The following CSMD3 variants were observed in gnomAD, a reference collection of about 807,000 sequenced individuals.
The protein encoded by CSMD3 is CUB and Sushi multiple domains 3, also known as CUB and sushi domain-containing protein 3.
A neutral mutation model predicts 435.2 loss-of-function variants in CSMD3; 177 were observed. The observed-to-expected ratio is 0.41, with a 90% CI of 0.36 to 0.46. CSMD3 has a LOEUF of 0.46. CSMD3 is among the 20% of genes least tolerant of loss of function. CSMD3 has a pLI of 0.34. For synonymous variants in CSMD3, 1,656 were observed against 1,520.5 expected, an observed-to-expected ratio of 1.09 and a Z score of -2.07; for missense variants, 4,265 against 4,504.6, an observed-to-expected ratio of 0.95 and a Z score of 1.52.
intron 12 of CSMD3, among the ~76,000 whole-genome samples, chr8:112,807,550 T>C (rs1210229208): frequency 1.3e-5 from 2 of 151,298 alleles, no homozygotes; most frequent in Admixed American, 6.6e-5. Context: ...GAAATACATG[T>C]TTGGTGTCCA....
chr8:112,767,057 G>A (rs2077997775), intron 13 of CSMD3, among the ~76,000 whole-genome samples: 1 of 151,828 alleles, frequency 6.6e-6, no homozygotes, highest in African/African-American at 2.4e-5. Flanking sequence ...AGTAATCACT[G>A]ATAATTGTTT....
rs563354765 is a variant in CSMD3 at position 113,214,117 on chromosome 8, CAGTAG to C, written c.515-40206_515-40202del. 6.7e-3 allele frequency among the ~76,000 whole-genome samples: 1,026 copies of C among 152,132 alleles called. 6 individuals carry two copies. Among genetic ancestry groups the C allele is most frequent in the Non-Finnish European group, 1.0e-2 (678 of 67,954 alleles). On this transcript the variant is annotated intron_variant, in intron 3 of 70. Coordinates refer to ENST00000297405, the MANE Select transcript of CSMD3 (RefSeq NM_198123.2). ...GAAAAGCCTGGAGAGGCTACTACTT[CAGTAG>C]AAACCAGAAAAAAGTGAGGCTTCCA...
intron 45 of CSMD3, among the ~76,000 whole-genome samples, chr8:112,321,333 C>T (rs1478079064): frequency 5.3e-5 from 8 of 152,064 alleles, no homozygotes; most frequent in African/African-American, 1.9e-4. Flanking sequence ...AAAGCCCATT[C>T]AACACTGCTT....
intron 16 of CSMD3, among the ~76,000 whole-genome samples, chr8:112,678,457 CACAG>C: frequency 6.6e-6 from 1 of 152,260 alleles, no homozygotes; most frequent in South Asian, 2.1e-4. Flanking sequence ...ACCAAATAAT[CACAG>C]ACACTCTCCT....
chr8:113,220,741 A>T (rs191104655), intron 3 of CSMD3, among the ~76,000 whole-genome samples: 3 of 151,310 alleles, frequency 2.0e-5, no homozygotes, highest in African/African-American at 7.3e-5. Context: ...AATGTTTTTT[A>T]GCAGACAGTT....
rs2130631722 is a variant in CSMD3, at chr8:112,921,707, A to T, written c.1553T>A (p.Leu518Gln). The T allele has an allele frequency of 6.2e-7, 1 of 1,611,060 alleles. No homozygotes were observed. The highest frequency in any genetic ancestry group is 8.5e-7 in the Non-Finnish European group (1 of 1,177,430). The change falls in exon 10 of 71, where the codon CTA (leucine) becomes CAA (glutamine). Residue 518 changes from leucine to glutamine, a missense_variant. By Grantham distance (113) the Leu-to-Gln change is moderately radical. Around this residue, in one of 3 missense-constraint regions of CSMD3, gnomAD observed 731 missense variants for 755.4 expected, o/e 0.97. Coordinates refer to ENST00000297405, the MANE Select transcript of CSMD3 (RefSeq NM_198123.2). The part of the protein sequence containing the change: ...VQFSCDEDYV[L>Q]QGAKSITCQR... Reference sequence around the variant, plus strand: ...ACAGGTGATGCTCTTTGCGCCCTGTAGGACATAATCTTCATCACAAGAGAA... The same window carrying T: ...ACAGGTGATGCTCTTTGCGCCCTGTTGGACATAATCTTCATCACAAGAGAA...
chr8:112,599,949 G>A (rs1319313620), intron 22 of CSMD3, among the ~76,000 whole-genome samples: 1 of 149,642 alleles, frequency 6.7e-6, no homozygotes, highest in Non-Finnish European at 1.5e-5. Context: ...CAGCGCACCA[G>A]CATGGCACAT....
intron 3 of CSMD3, among the ~76,000 whole-genome samples, chr8:113,209,686 C>T (rs2092809994): frequency 6.6e-6 from 1 of 151,962 alleles, no homozygotes; most frequent in African/African-American, 2.4e-5. Flanking sequence ...ATTGATGAAG[C>T]AGAAAACACA....
At chr8:112,939,776 A>C (rs747914274) in intron 9 of CSMD3, among the ~76,000 whole-genome samples, 1 of 151,998 alleles carries the variant, frequency 6.6e-6, no homozygotes, top group African/African-American at 2.4e-5. Flanking sequence ...GTAACTGTGA[A>C]AAATTTTTAT....
At chr8:112,511,622 C>T (rs1012146715) in intron 28 of CSMD3, among the ~76,000 whole-genome samples, 1 of 152,084 alleles carries the variant, frequency 6.6e-6, no homozygotes, top group African/African-American at 2.4e-5. Context: ...GATTTCCTGA[C>T]CTTGTGATCC....
intron 9 of CSMD3, among the ~76,000 whole-genome samples, chr8:112,935,330 ATAGT>A (rs2083248158): frequency 6.6e-6 from 1 of 152,120 alleles, no homozygotes; most frequent in African/African-American, 2.4e-5. Flanking sequence ...AGACTGTATG[ATAGT>A]TCCAGATTTG....
intron 4 of CSMD3, among the ~76,000 whole-genome samples, chr8:113,140,551 A>G (rs548493381): frequency 6.6e-6 from 1 of 151,212 alleles, no homozygotes; most frequent in African/African-American, 2.4e-5. Context: ...TTAACATTAT[A>G]TAGAATTTAT....
At chr8:112,753,924 A>G (rs2077631665) in intron 13 of CSMD3, among the ~76,000 whole-genome samples, 1 of 152,130 alleles carries the variant, frequency 6.6e-6, no homozygotes, top group South Asian at 2.1e-4. Context: ...AAAAGAAGTT[A>G]ATACAAATTG....
At chr8:113,330,539 T>C (rs575511027) in intron 1 of CSMD3, among the ~76,000 whole-genome samples, 3 of 152,008 alleles carry the variant, frequency 2.0e-5, no homozygotes, top group African/African-American at 7.2e-5. Flanking sequence ...AAATTATTAT[T>C]CAAGAGACAT....
At chr8:113,182,763 G>A (rs1465202860) in intron 3 of CSMD3, among the ~76,000 whole-genome samples, 1 of 152,046 alleles carries the variant, frequency 6.6e-6, no homozygotes, top group Non-Finnish European at 1.5e-5. Flanking sequence ...AAGCTGGGTT[G>A]CTGCAAATAT....
chr8:112,357,152 C>G (rs371671014), intron 38 of CSMD3, among the ~76,000 whole-genome samples: 1 of 152,048 alleles, frequency 6.6e-6, no homozygotes, highest in Non-Finnish European at 1.5e-5. Context: ...AGGGTAAGTT[C>G]CAGTCTGAGG....
chr8:112,370,253 T>A (rs1828263042), intron 38 of CSMD3, among the ~76,000 whole-genome samples: 1 of 152,162 alleles, frequency 6.6e-6, no homozygotes, highest in African/African-American at 2.4e-5. Flanking sequence ...CAGCAAAACA[T>A]CATCTTGTGT....
rs1443134686 is a variant in CSMD3, at chr8:112,292,632, G to T, written c.8693C>A (p.Thr2898Lys). The T allele has an allele frequency of 1.9e-6, 3 of 1,613,734 alleles. No individual in the cohort carries two copies. Among genetic ancestry groups the T allele is most frequent in the East Asian group, 4.5e-5 (2 of 44,854 alleles). Residue 2898 changes from threonine to lysine, a missense_variant, in exon 55 of 71, where the codon ACA (threonine) becomes AAA (lysine). This residue lies in a region of CSMD3 where 3,255 missense variants were observed against 3,380.2 expected (regional missense o/e 0.96). Transcript: ENST00000297405. Reference sequence around the variant, plus strand: ...AAGATACCCAATATTGCATGAGAATGTTACCACATCATTAAAGTTGAACCC... The same window carrying T: ...AAGATACCCAATATTGCATGAGAATTTTACCACATCATTAAAGTTGAACCC... ...GNGFNFNDVV[T>K]FSCNIGYLMQ...
intron 20 of CSMD3, among the ~76,000 whole-genome samples, chr8:112,640,441 A>G (rs868645322): frequency 1.3e-5 from 2 of 152,154 alleles, no homozygotes; most frequent in South Asian, 2.1e-4. Flanking sequence ...AAAAAAGGGG[A>G]CAGAAAATGA....
Sources: gnomAD v4.1 joint callset for allele counts (sites outside exome capture counted in the v4.1 genomes callset) on GRCh38, gnomAD v4.1.1 for gene constraint, gnomAD v4.1.1 regional missense constraint, MANE v1.5 for transcripts, NCBI Gene and HGNC (gene_info 2026-07-23, HGNC 2026-07-21) for gene names.